The following NDUFA9 variants were observed in gnomAD, a reference collection of about 807,000 sequenced individuals.
NDUFA9 encodes NADH dehydrogenase [ubiquinone] 1 alpha subcomplex subunit 9, mitochondrial.
In NDUFA9, 23 loss-of-function variants were observed where a neutral mutation model predicts 45.9. The observed-to-expected ratio is 0.50, with a 90% CI of 0.36 to 0.71. The LOEUF is 0.71. Ranked by LOEUF, NDUFA9 falls within the 30% of genes least tolerant of loss-of-function variation. The pLI is 0.00. For missense variants in NDUFA9, 466 were observed against 488.2 expected, an observed-to-expected ratio of 0.95 and a Z score of 0.43; for synonymous variants, 176 against 170.5, an observed-to-expected ratio of 1.03 and a Z score of -0.25.
intron 9 of NDUFA9, among the ~76,000 whole-genome samples, chr12:4,682,979 A>G (rs1439218735): frequency 1.3e-5 from 2 of 152,102 alleles, no homozygotes; most frequent in East Asian, 3.9e-4. Context: ...GGGGTGATGC[A>G]AGAGAATTGC....
At chr12:4,684,764 G>T (rs914302661) in intron 9 of NDUFA9, among the ~76,000 whole-genome samples, 3 of 151,410 alleles carry the variant, frequency 2.0e-5, no homozygotes, top group Admixed American at 6.6e-5. Flanking sequence ...TTATATTGTC[G>T]TCCTGATTTG....
Position 4,687,163 on chromosome 12 carries a change from G to C in NDUFA9, c.*55G>C. ...TCTTTTGGGTCGGCCCATGTGGTTT[G>C]AGCACCCAGCCAGGCGGTCTCTTTA... On this transcript the variant is annotated 3_prime_UTR_variant, in exon 11 of 11. Transcript: ENST00000266544. The C allele has an allele frequency of 1.3e-6, 2 of 1,563,966 alleles. No individual in the cohort carries two copies. Among genetic ancestry groups the C allele is most frequent in the South Asian group, 1.2e-5 (1 of 85,736 alleles).
intron 3 of NDUFA9, 109 bp from the exon 4 acceptor site, chr12:4,657,639 T>C: frequency 1.3e-6 from 1 of 753,212 alleles, no homozygotes. Context: ...CACTATATTA[T>C]GACTACAGCA....
intron 8 of NDUFA9, among the ~76,000 whole-genome samples, chr12:4,681,252 GTTAAA>G (rs1294175903): frequency 1.3e-5 from 2 of 151,928 alleles, no homozygotes; most frequent in Non-Finnish European, 2.9e-5. Context: ...AGTAGTTTTG[GTTAAA>G]TTAAACAGTT....
intron 7 of NDUFA9, among the ~76,000 whole-genome samples, chr12:4,669,505 G>T (rs760477422): frequency 9.2e-5 from 14 of 152,208 alleles, no homozygotes; most frequent in Non-Finnish European, 1.5e-4. Context: ...AAAATACTTG[G>T]ATAGCGGTGA....
chr12:4,654,343 G>T lies in NDUFA9; in HGVS notation c.101G>T (p.Arg34Leu), dbSNP rs778957183. ...ATSVCHGPPC[R>L]QLHHALMPHG... ...TCTGTGTGTCACGGCCCACCCTGTC[G>T]CCAGCTTCATCATGCCCTCATGCCT... The change falls in exon 2 of 11, where the codon CGC becomes CTC. Residue 34 changes from arginine (R) to leucine (L), a missense_variant. Transcript: ENST00000266544. The T allele has an allele frequency of 3.1e-6, 5 of 1,614,042 alleles. No individual in the cohort carries two copies. In the Admixed American group the frequency reaches 6.7e-5, roughly 22 times the overall value.
Position 4,689,293 on chromosome 12 carries a change from T to C in NDUFA9, c.*2185T>C, listed in dbSNP as rs1946005691. 1 of 119,940 alleles carries C rather than the reference T, an allele frequency of 8.3e-6. No homozygotes were observed. Among genetic ancestry groups the C allele is most frequent in the Admixed American group, 7.9e-5 (1 of 12,590 alleles). The allele number at this position is 119,940 out of a possible 1,614,324, so 7.4% of individuals were successfully genotyped here. On this transcript the variant is annotated 3_prime_UTR_variant, in exon 11 of 11. Transcript: ENST00000266544. ...CTCAGGATGCTGTATATTTCTTTTA[T>C]TTTTTATTTTTTATTTTTTTATTTT...
At chr12:4,660,285 G>A (rs1945816248) in intron 5 of NDUFA9, among the ~76,000 whole-genome samples, 1 of 152,198 alleles carries the variant, frequency 6.6e-6, no homozygotes, top group Admixed American at 6.5e-5. Context: ...TTCAGCACCA[G>A]TATTTTTTAA....
intron 8 of NDUFA9, among the ~76,000 whole-genome samples, chr12:4,678,506 G>GA (rs1323893535): frequency 6.6e-6 from 1 of 151,964 alleles, no homozygotes; most frequent in Non-Finnish European, 1.5e-5. Context: ...TTAAGAAAAT[G>GA]AAAAAACAAG....
chr12:4,673,097 G>A (rs917769720), intron 8 of NDUFA9, among the ~76,000 whole-genome samples: 2 of 152,194 alleles, frequency 1.3e-5, no homozygotes, highest in Non-Finnish European at 1.5e-5. Flanking sequence ...ACAGGGTCTG[G>A]TGTGGACCTC....
chr12:4,679,629 C>A (rs1400528436), intron 8 of NDUFA9, among the ~76,000 whole-genome samples: 1 of 152,130 alleles, frequency 6.6e-6, no homozygotes, highest in Non-Finnish European at 1.5e-5. Flanking sequence ...ACCTTAATGA[C>A]CTCATTTGAA....
At position 4,694,018 on chromosome 12, in the gene NDUFA9, A is replaced by T. The variant is rs1946030629; in HGVS notation, c.*6910A>T. ...GGGAGATCCCATTGTACTTCAGTGG[A>T]AAACTATGCATTGTCTGGAATCTAG... On this transcript the variant is annotated 3_prime_UTR_variant, in exon 11 of 11. Coordinates refer to ENST00000266544, the MANE Select transcript of NDUFA9 (RefSeq NM_005002.5). 6.6e-6 allele frequency: 1 copy of T among 152,170 alleles called. No individual in the cohort carries two copies. The highest frequency in any genetic ancestry group is 1.5e-5 in the Non-Finnish European group (1 of 68,040). 9.4% of individuals were successfully genotyped at this position (152,170 alleles called of 1,614,324 possible).
intron 1 of NDUFA9, chr12:4,653,526 T>C: frequency 2.5e-6 from 1 of 406,874 alleles, no homozygotes; most frequent in South Asian, 1.9e-5. Context: ...CTTTGAGGGT[T>C]CATTCTAGTA....
chr12:4,675,966 G>A (rs1454495601), intron 8 of NDUFA9, among the ~76,000 whole-genome samples: 3 of 152,094 alleles, frequency 2.0e-5, no homozygotes, highest in African/African-American at 4.8e-5. Flanking sequence ...GGCTTCATCC[G>A]GGGATAAAAG....
chr12:4,667,281 A>G (rs970428065), intron 6 of NDUFA9, among the ~76,000 whole-genome samples: 4 of 152,176 alleles, frequency 2.6e-5, no homozygotes, highest in African/African-American at 4.8e-5. Context: ...CTTAGTTCCT[A>G]TCACATTGGC....
chr12:4,671,850 A>T (rs1454212759), intron 8 of NDUFA9, among the ~76,000 whole-genome samples: 1 of 152,040 alleles, frequency 6.6e-6, no homozygotes, highest in Middle Eastern at 3.2e-3. Context: ...TATCCACATT[A>T]AAAAAAAGAT....
intron 1 of NDUFA9, among the ~76,000 whole-genome samples, chr12:4,650,130 C>T (rs950267210): frequency 1.3e-5 from 2 of 152,170 alleles, no homozygotes; most frequent in Admixed American, 6.5e-5. Context: ...GAGTGTAGAG[C>T]TATTGAGTCA....
intron 5 of NDUFA9, among the ~76,000 whole-genome samples, chr12:4,661,875 G>A (rs114204798): frequency 6.6e-6 from 1 of 152,008 alleles, no homozygotes; most frequent in Admixed American, 6.6e-5. Flanking sequence ...GTGTAACCAA[G>A]TTAAGAGTGG....
chr12:4,669,920 A>G lies in NDUFA9; in HGVS notation c.800+103A>G, dbSNP rs533887536. The G allele has an allele frequency of 9.3e-4, 816 of 875,916 alleles. 3 individuals are homozygous for G. The highest frequency in any genetic ancestry group is 1.4e-3 in the Non-Finnish European group (763 of 529,314). 54.3% of individuals were successfully genotyped at this position (875,916 alleles called of 1,614,324 possible). ...TTATTTGTTGCACTTTTACAATATC[A>G]AAATCTCCTCATTGCTTGCATTAAA... On this transcript the variant is annotated intron_variant, in intron 8 of 10. Transcript: ENST00000266544.
Sources: allele counts gnomAD v4.1 joint callset (sites outside exome capture counted in the v4.1 genomes callset), GRCh38; gene constraint gnomAD v4.1.1; transcripts MANE v1.5; gene names NCBI Gene and HGNC (gene_info 2026-07-23, HGNC 2026-07-21).